The following SYNE2 variants were observed in gnomAD, a reference collection of about 807,000 sequenced individuals.
SYNE2 encodes the protein nesprin-2.
SYNE2 carries 431 observed loss-of-function variants against 856.3 expected under a neutral mutation model. The ratio of observed to expected loss-of-function variants is 0.50; its 90% CI spans 0.47 to 0.55. SYNE2 has a LOEUF of 0.55. SYNE2 is among the 20% of genes least tolerant of loss of function. SYNE2 has a pLI of 0.00. For missense variants in SYNE2, 8,129 were observed against 8,023.2 expected (o/e 1.01, Z -0.50); for synonymous variants, 2,923 against 2,872.3 (o/e 1.02, Z -0.56).
In SYNE2 at chr14:64,212,952, G is replaced by GAGGT. The variant is rs1420393046; in HGVS notation, c.19004_19007dup (p.Phe6337GlyfsTer22). 1 of 1,614,080 alleles carries GAGGT rather than the reference G, an allele frequency of 6.2e-7. No homozygotes were observed. Among genetic ancestry groups the GAGGT allele is most frequent in the East Asian group, 2.2e-5 (1 of 44,896 alleles). On this transcript the variant is annotated frameshift_variant, in exon 105 of 116. Transcript: ENST00000555002. LOFTEE classifies it high-confidence loss of function. The stretch of plus-strand genomic sequence containing the variant: ...GGAGGAACTCCACCGCTACTGCCAG[G>GAGGT]AGGTGTTTGGAAGGGTCTCCCGGTT...
chr14:64,084,689 GCT>G, intron 57 of SYNE2: 1 of 373,730 alleles, frequency 2.7e-6, no homozygotes, highest in Non-Finnish European at 4.8e-6. Context: ...CCAGTTTTGA[GCT>G]ATATATTAGC....
At chr14:64,091,567 T>A (rs2097614907) in intron 60 of SYNE2, among the ~76,000 whole-genome samples, 1 of 152,236 alleles carries the variant, frequency 6.6e-6, no homozygotes, top group Non-Finnish European at 1.5e-5. Flanking sequence ...AACAAGAATT[T>A]GAGTTTCTAA....
chr14:63,838,540 G>T (rs1390769614), intron 1 of SYNE2, among the ~76,000 whole-genome samples: 1 of 150,256 alleles, frequency 6.7e-6, no homozygotes. Context: ...TTTTTAACAG[G>T]GTCTTGCTGT....
intron 99 of SYNE2, among the ~76,000 whole-genome samples, chr14:64,198,926 C>G (rs181021984): frequency 1.3e-5 from 2 of 152,336 alleles, no homozygotes; most frequent in East Asian, 3.9e-4. Context: ...TGTTGTATTA[C>G]AGTGTCAACA....
At chr14:63,921,378 TG>T (rs2153378737) in intron 2 of SYNE2, among the ~76,000 whole-genome samples, 1 of 152,152 alleles carries the variant, frequency 6.6e-6, no homozygotes, top group African/African-American at 2.4e-5. Flanking sequence ...AGTGTGTAAA[TG>T]GCAATTTGTT....
chr14:64,215,951 G>A, intron 107 of SYNE2: 1 of 1,341,752 alleles, frequency 7.5e-7, no homozygotes, highest in Non-Finnish European at 9.6e-7. Context: ...TTGGTCCCCA[G>A]ACCCGGCCTT....
chr14:64,143,643 C>T, intron 82 of SYNE2, 129 bp from the exon 83 acceptor site: 4 of 952,608 alleles, frequency 4.2e-6, no homozygotes, highest in Non-Finnish European at 1.7e-6. Flanking sequence ...GAGGGTAGAA[C>T]AGAACTCCTG....
Position 64,051,807 on chromosome 14 carries a change from A to T in SYNE2, c.7894A>T (p.Met2632Leu). Residue 2632 changes from methionine (M) to leucine (L), a missense_variant, in exon 48 of 116, where the codon ATG becomes TTG. Around this residue, in one of 3 missense-constraint regions of SYNE2, gnomAD observed 5,410 missense variants for 5,284.8 expected, o/e 1.02. Transcript: ENST00000555002. ...VVEYDEFTTL[M>L]NKVQDTEISL... is the part of the protein sequence containing the mutation. ...GGAATATGATGAATTTACAACCCTCATGAATAAGGTACAGGACACTGAGAT... is the reference window on the plus strand; with the variant it reads ...GGAATATGATGAATTTACAACCCTCTTGAATAAGGTACAGGACACTGAGAT... 1 of 1,614,182 alleles carries T rather than the reference A, an allele frequency of 6.2e-7. No individual in the cohort carries two copies. Among genetic ancestry groups the T allele is most frequent in the Non-Finnish European group, 8.5e-7 (1 of 1,180,026 alleles).
At chr14:64,142,152 G>A in intron 82 of SYNE2, 64 bp downstream of exon 82, 1 of 1,578,268 alleles carries the variant, frequency 6.3e-7, no homozygotes, top group Non-Finnish European at 8.7e-7. Flanking sequence ...GAGGGGTAAT[G>A]CTGGACAAAG....
upstream of SYNE2, chr14:63,848,479 T>C (rs1221339675): frequency 6.6e-6 from 1 of 152,244 alleles, no homozygotes; most frequent in Non-Finnish European, 1.5e-5. Flanking sequence ...TTATTTTTAT[T>C]GTTTTTATTG....
chr14:64,183,159 C>T (rs1399559338), intron 96 of SYNE2, among the ~76,000 whole-genome samples: 1 of 149,438 alleles, frequency 6.7e-6, no homozygotes, highest in African/African-American at 2.5e-5. Flanking sequence ...ACTTCTCGGA[C>T]GGGGCGACTG....
At chr14:63,887,284 A>G (rs1022812651) in intron 1 of SYNE2, among the ~76,000 whole-genome samples, 1 of 152,210 alleles carries the variant, frequency 6.6e-6, no homozygotes, top group Admixed American at 6.5e-5. Context: ...CATCTCAAAA[A>G]AAAAAATAGA....
At chr14:64,119,356 T>A in intron 66 of SYNE2, 71 bp from the exon 67 acceptor site, 1 of 1,589,536 alleles carries the variant, frequency 6.3e-7, no homozygotes, top group Non-Finnish European at 8.6e-7. Context: ...AGAGTAAGTC[T>A]TAACTTGTTT....
chr14:64,142,277 C>T (rs1436474591), intron 82 of SYNE2, among the ~76,000 whole-genome samples, 189 bp downstream of exon 82: 1 of 152,048 alleles, frequency 6.6e-6, no homozygotes. Flanking sequence ...ATTCCTTTTG[C>T]CAGCCCCCAT....
intron 6 of SYNE2, among the ~76,000 whole-genome samples, chr14:63,948,780 GTGTATATA>G (rs1376187614): frequency 0.047 from 3,852 of 81,926 alleles, 212 homozygotes; most frequent in Middle Eastern, 0.098. Flanking sequence ...GTATGTGTGT[GTGTATATA>G]TATATATATA....
At chr14:63,929,771 A>G (rs1415152733) in intron 2 of SYNE2, among the ~76,000 whole-genome samples, 1 of 149,708 alleles carries the variant, frequency 6.7e-6, no homozygotes, top group Non-Finnish European at 1.5e-5. Context: ...AACTGTCTCA[A>G]AAAAAAAAAA....
Position 63,982,531 on chromosome 14 carries a change from AAAAAAAG to A in SYNE2, c.1837-94_1837-88del, listed in dbSNP as rs1242544381. On this transcript the variant is annotated intron_variant, in intron 16 of 115. Transcript: ENST00000555002. ...CAAGACTCCATCTCAAAAAAAAAAA[AAAAAAAG>A]AAAAGAAAAAAGCCTTGGTGAACAT... is the stretch of plus-strand genomic sequence containing the variant. The A allele has an allele frequency of 5.0e-4, 646 of 1,279,646 alleles. 1 individual carries two copies. Among genetic ancestry groups the A allele is most frequent in the Middle Eastern group, 1.1e-3 (5 of 4,756 alleles). 79.3% of individuals were successfully genotyped at this position (1,279,646 alleles called of 1,614,324 possible).
chr14:64,124,980 G>T (rs1327107945), intron 70 of SYNE2, 99 bp from the exon 71 acceptor site: 2 of 1,488,910 alleles, frequency 1.3e-6, no homozygotes, highest in Non-Finnish European at 1.8e-6. Context: ...TCCAGCCTGG[G>T]CGACAGAGCA....
At chr14:63,952,163 C>T (rs1271768194) in intron 7 of SYNE2, among the ~76,000 whole-genome samples, 1 of 152,162 alleles carries the variant, frequency 6.6e-6, no homozygotes, top group Non-Finnish European at 1.5e-5. Flanking sequence ...TTCTGCCAAC[C>T]AGGAGCCTAA....
Sources: gnomAD v4.1 joint callset for allele counts (sites outside exome capture counted in the v4.1 genomes callset) on GRCh38, gnomAD v4.1.1 for gene constraint, gnomAD v4.1.1 regional missense constraint, MANE v1.5 for transcripts, NCBI Gene and HGNC (gene_info 2026-07-23, HGNC 2026-07-21) for gene names.